CYB5R3: variants seen among roughly 807,000 people sequenced by gnomAD.
CYB5R3 encodes NADH-cytochrome b5 reductase 3.
In CYB5R3, 28 loss-of-function variants were observed where a neutral mutation model predicts 36.5. That is an observed-to-expected ratio of 0.77 (90% confidence interval 0.57 to 1.05). The LOEUF (loss-of-function observed/expected upper bound fraction) is 1.05, where lower values mean the gene tolerates loss of function less well. CYB5R3 is among the 50% of genes least tolerant of loss of function. The pLI is 0.00. For missense variants in CYB5R3, 474 were observed against 408.9 expected, an observed-to-expected ratio of 1.16 and a Z score of -1.37; for synonymous variants, 181 against 159.8, an observed-to-expected ratio of 1.13 and a Z score of -1.00.
chr22:42,631,095 C>T, intron 3 of CYB5R3, 107 bp from the exon 4 acceptor site: 1 of 1,059,972 alleles, frequency 9.4e-7, no homozygotes, highest in Non-Finnish European at 1.4e-6. Flanking sequence ...AAAGCCTGGC[C>T]TGGCGTCAGC....
chr22:42,630,252 C>A (rs1453380335), intron 4 of CYB5R3, among the ~76,000 whole-genome samples: 1 of 152,174 alleles, frequency 6.6e-6, no homozygotes, highest in Admixed American at 6.5e-5. Context: ...CCGCAGCAGA[C>A]CCCAGAAAGC....
chr22:42,639,747 C>T (rs549966238), intron 1 of CYB5R3: 11 of 548,210 alleles, frequency 2.0e-5, no homozygotes, highest in African/African-American at 5.7e-5. Flanking sequence ...GAGATACACA[C>T]TGAAATATTT....
At chr22:42,636,511 G>A (rs1318750198) in intron 2 of CYB5R3, among the ~76,000 whole-genome samples, 1 of 152,222 alleles carries the variant, frequency 6.6e-6, no homozygotes, top group Non-Finnish European at 1.5e-5. Flanking sequence ...GTTCAGAGAA[G>A]GGGCTCTGTG....
intron 1 of CYB5R3, among the ~76,000 whole-genome samples, chr22:42,645,925 C>A (rs111828477): frequency 3.9e-5 from 6 of 152,234 alleles, no homozygotes; most frequent in African/African-American, 1.4e-4. Flanking sequence ...GAGGCCCCGC[C>A]CGAGTTCAAG....
intron 7 of CYB5R3, 65 bp from the exon 8 acceptor site, chr22:42,623,953 C>G (rs1468913256): frequency 1.3e-5 from 18 of 1,421,210 alleles, no homozygotes; most frequent in Non-Finnish European, 1.8e-5. Flanking sequence ...AGACACTCAA[C>G]AGAGACGCGC....
At chr22:42,641,442 G>T (rs1929268163) in intron 1 of CYB5R3, among the ~76,000 whole-genome samples, 1 of 152,132 alleles carries the variant, frequency 6.6e-6, no homozygotes, top group Non-Finnish European at 1.5e-5. Flanking sequence ...AAGTAGCTGG[G>T]ATTACAGGCG....
chr22:42,644,763 A>G, intron 1 of CYB5R3: 4 of 517,996 alleles, frequency 7.7e-6, no homozygotes, highest in Non-Finnish European at 9.9e-6. Flanking sequence ...CCTGGCAATG[A>G]ACTTGAATGA....
chr22:42,648,626 A>G (rs1281666206), intron 1 of CYB5R3, among the ~76,000 whole-genome samples: 1 of 152,078 alleles, frequency 6.6e-6, no homozygotes, highest in East Asian at 1.9e-4. Flanking sequence ...CAGCACTGAC[A>G]CCGCAAAGTG....
intron 1 of CYB5R3, chr22:42,644,263 C>CT (rs1929429060): frequency 9.4e-6 from 6 of 639,618 alleles, no homozygotes; most frequent in Non-Finnish European, 1.4e-5. Context: ...ACAGTGAGGC[C>CT]TGAGCACCTG....
chr22:42,637,337 C>T (rs939978655), intron 1 of CYB5R3, among the ~76,000 whole-genome samples: 3 of 152,198 alleles, frequency 2.0e-5, no homozygotes, highest in African/African-American at 7.2e-5. Context: ...GAAAGGCCTA[C>T]ACTGACCAAA....
chr22:42,619,705 G>A lies in CYB5R3; in HGVS notation c.*68C>T. 1.4e-6 allele frequency: 2 copies of A among 1,463,802 alleles called. No homozygotes were observed. The highest frequency in any genetic ancestry group is 1.8e-6 in the Non-Finnish European group (2 of 1,092,384). The allele number at this position is 1,463,802 out of a possible 1,614,324, so 90.7% of individuals were successfully genotyped here. On this transcript the variant is annotated 3_prime_UTR_variant, in exon 9 of 9. Coordinates refer to ENST00000352397, the MANE Select transcript of CYB5R3 (RefSeq NM_000398.7). ...GGGCCCCAGTGTGCGATGTGGGGAG[G>A]TGACTGGGTGAGCGTGAACAGGGCG...
intron 7 of CYB5R3, among the ~76,000 whole-genome samples, chr22:42,626,046 C>A (rs748259277): frequency 3.3e-5 from 5 of 152,198 alleles, no homozygotes; most frequent in Admixed American, 2.6e-4. Flanking sequence ...CTGTGGCTCA[C>A]GCCTGTAATC....
chr22:42,629,747 C>T (rs1601936655), intron 4 of CYB5R3, among the ~76,000 whole-genome samples: 1 of 152,164 alleles, frequency 6.6e-6, no homozygotes, highest in East Asian at 1.9e-4. Flanking sequence ...TCTCCAACAC[C>T]CCACATACCC....
intron 4 of CYB5R3, among the ~76,000 whole-genome samples, 153 bp downstream of exon 4, chr22:42,630,729 C>T (rs1928563937): frequency 6.6e-6 from 1 of 152,194 alleles, no homozygotes; most frequent in South Asian, 2.1e-4. Context: ...AAGCCACTGC[C>T]CCTGCAAGCC....
chr22:42,630,819 C>T (rs1206214637), intron 4 of CYB5R3, 63 bp downstream of exon 4: 1 of 1,390,110 alleles, frequency 7.2e-7, no homozygotes, highest in African/African-American at 1.4e-5. Flanking sequence ...AGGGGGTCCA[C>T]ATGGGCTGTT....
At chr22:42,645,871 C>T (rs1929511774) in intron 1 of CYB5R3, among the ~76,000 whole-genome samples, 1 of 141,744 alleles carries the variant, frequency 7.1e-6, no homozygotes, top group African/African-American at 2.7e-5. Flanking sequence ...CCAGTGGGCA[C>T]TGAGGTGGCA....
chr22:42,635,083 C>T (rs1211682265), intron 2 of CYB5R3, among the ~76,000 whole-genome samples: 1 of 152,018 alleles, frequency 6.6e-6, no homozygotes, highest in Non-Finnish European at 1.5e-5. Flanking sequence ...CATTCTCCTG[C>T]CTCAGCCTCG....
intron 4 of CYB5R3, among the ~76,000 whole-genome samples, chr22:42,630,247 G>T (rs1269857125): frequency 6.6e-6 from 1 of 152,262 alleles, no homozygotes; most frequent in African/African-American, 2.4e-5. Flanking sequence ...GAACCCCGCA[G>T]CAGACCCCAG....
intron 8 of CYB5R3, among the ~76,000 whole-genome samples, chr22:42,621,444 T>G (rs1363048739): frequency 6.6e-6 from 1 of 152,228 alleles, no homozygotes; most frequent in Admixed American, 6.5e-5. Context: ...TCACTGCCCC[T>G]GCCTGGAGTC....
Sources: allele counts gnomAD v4.1 joint callset (sites outside exome capture counted in the v4.1 genomes callset), GRCh38; gene constraint gnomAD v4.1.1; transcripts MANE v1.5; gene names NCBI Gene and HGNC (gene_info 2026-07-23, HGNC 2026-07-21).